Variants in MYOG observed in about 807,000 individuals in gnomAD.
MYOG encodes class C basic helix-loop-helix protein 3.
In MYOG, 6 loss-of-function variants were observed where a neutral mutation model predicts 17.7. That is an observed-to-expected ratio of 0.34 (90% CI 0.19 to 0.67). The LOEUF is 0.67. Ranked by LOEUF, MYOG falls within the 30% of genes least tolerant of loss-of-function variation. The pLI, the probability that MYOG is intolerant of heterozygous loss-of-function variation, is 0.69. For synonymous variants in MYOG, 125 were observed against 130.2 expected (o/e 0.96, Z 0.27); for missense variants, 272 against 302.0 (o/e 0.90, Z 0.74).
intron 2 of MYOG, 81 bp from the exon 3 acceptor site, chr1:203,084,112 G>A: frequency 1.3e-6 from 2 of 1,523,934 alleles, no homozygotes; most frequent in Admixed American, 2.0e-5. Flanking sequence ...GGACCCTTGG[G>A]GTGACAGAGG....
chr1:203,083,157 T>TA lies in MYOG; in HGVS notation c.*752dup, dbSNP rs569560136. The stretch of plus-strand genomic sequence containing the variant: ...TGGCAACCAGTCTTTATTCATTTTT[T>TA]AAAAAAGGAAATCCAAATAAGTTAG... On this transcript the variant is annotated 3_prime_UTR_variant, in exon 3 of 3. Transcript: ENST00000241651. The TA allele has an allele frequency of 8.6e-6, 1 of 115,670 alleles. No homozygotes were observed. Among genetic ancestry groups the TA allele is most frequent in the South Asian group, 2.7e-4 (1 of 3,640 alleles). 7.2% of individuals were successfully genotyped at this position (115,670 alleles called of 1,614,324 possible).
chr1:203,085,794 C>T lies in MYOG; in HGVS notation c.168G>A (p.Gly56=), dbSNP rs1421842861. ...APGPLEDKGL[G]TPEHCPGQCL... ...ACTGGCCTGGACAGTGCTCGGGGGT[C>T]CCCAGCCCCTTGTCCTCAAGGGGCC... Residue 56 remains glycine, a synonymous_variant, in exon 1 of 3, where the codon GGG becomes GGA. Transcript: ENST00000241651. 2 of 1,613,856 alleles carry T rather than the reference C, an allele frequency of 1.2e-6. No individual in the cohort carries two copies. The highest frequency in any genetic ancestry group is 1.3e-5 in the African/African-American group (1 of 75,026).
chr1:203,085,132 G>A (rs1460397766), intron 1 of MYOG, among the ~76,000 whole-genome samples: 1 of 152,212 alleles, frequency 6.6e-6, no homozygotes, highest in African/African-American at 2.4e-5. Flanking sequence ...TGGGGGCAAA[G>A]CAGTCTTCTC....
In MYOG at chr1:203,083,541, G is replaced by A. The variant is rs770975557; in HGVS notation, c.*369C>T. On this transcript the variant is annotated 3_prime_UTR_variant, in exon 3 of 3. Coordinates refer to ENST00000241651, the MANE Select transcript of MYOG (RefSeq NM_002479.6). ...ACGTGCACAGCTTGTCCAGGTCAGG[G>A]CACTGCGTCTCTCAAACCGTTTCAC... 2.0e-6 allele frequency: 1 copy of A among 509,646 alleles called. No homozygotes were observed. The highest frequency in any genetic ancestry group is 3.5e-6 in the Non-Finnish European group (1 of 288,816). 31.6% of individuals were successfully genotyped at this position (509,646 alleles called of 1,614,324 possible).
At chr1:203,084,580 G>A (rs1653574827) in intron 2 of MYOG, 67 bp downstream of exon 2, 3 of 1,369,350 alleles carry the variant, frequency 2.2e-6, no homozygotes, top group Non-Finnish European at 3.1e-6. Context: ...TAAGGTAAGA[G>A]GGGAGAACCT....
At chr1:203,084,172 C>A in intron 2 of MYOG, 141 bp from the exon 3 acceptor site, 1 of 994,614 alleles carries the variant, frequency 1.0e-6, no homozygotes, top group Non-Finnish European at 1.5e-6. Context: ...CTCCCTAGTC[C>A]CTGCCTTTCC....
Position 203,084,743 on chromosome 1 carries a change from G to C in MYOG, c.472-15C>G. On this transcript the variant is annotated splice_polypyrimidine_tract_variant and intron_variant, in intron 1 of 2. Coordinates refer to ENST00000241651, the MANE Select transcript of MYOG (RefSeq NM_002479.6). ...TCGCTGGGCACCTGCAAGACAGGGC[G>C]AAGGCCCAAGGTCGGGGCACAGCCA... The C allele has an allele frequency of 6.3e-7, 1 of 1,598,018 alleles. No homozygotes were observed. Among genetic ancestry groups the C allele is most frequent in the Non-Finnish European group, 8.5e-7 (1 of 1,172,200 alleles).
At position 203,083,837 on chromosome 1, in the gene MYOG, C is replaced by G; in HGVS notation, c.*73G>C. ...ATCAGGGCAGCCTGGCTTAGGAGGC[C>G]CCTGCTACAGAAGTAGTGGCATCTG... On this transcript the variant is annotated 3_prime_UTR_variant, in exon 3 of 3. Coordinates refer to ENST00000241651, the MANE Select transcript of MYOG (RefSeq NM_002479.6). The G allele has an allele frequency of 6.4e-7, 1 of 1,550,762 alleles. No homozygotes were observed. Among genetic ancestry groups the G allele is most frequent in the African/African-American group, 1.4e-5 (1 of 73,830 alleles).
chr1:203,083,471 A>G lies in MYOG; in HGVS notation c.*439T>C. The G allele has an allele frequency of 2.4e-6, 1 of 409,908 alleles. No homozygotes were observed. Among genetic ancestry groups the G allele is most frequent in the East Asian group, 3.4e-5 (1 of 28,992 alleles). 25.4% of individuals were successfully genotyped at this position (409,908 alleles called of 1,614,324 possible). ...CCCTTCTTCTCTCTCAATTCAGGGC[A>G]GGCCCAGCCCAGCCACTGGCATCGG... On this transcript the variant is annotated 3_prime_UTR_variant, in exon 3 of 3. Coordinates refer to ENST00000241651, the MANE Select transcript of MYOG (RefSeq NM_002479.6).
In MYOG at chr1:203,083,854, T is replaced by A; in HGVS notation, c.*56A>T. 1 of 1,563,046 alleles carries A rather than the reference T, an allele frequency of 6.4e-7. No individual in the cohort carries two copies. On this transcript the variant is annotated 3_prime_UTR_variant, in exon 3 of 3. Coordinates refer to ENST00000241651, the MANE Select transcript of MYOG (RefSeq NM_002479.6). ...TAGGAGGCCCCTGCTACAGAAGTAG[T>A]GGCATCTGTGGCCAGCTTGGGGGGC...
chr1:203,083,832 G>A lies in MYOG; in HGVS notation c.*78C>T. 6.5e-7 allele frequency: 1 copy of A among 1,547,120 alleles called. No homozygotes were observed. Among genetic ancestry groups the A allele is most frequent in the South Asian group, 1.2e-5 (1 of 83,148 alleles). The stretch of plus-strand genomic sequence containing the variant: ...CTAGCATCAGGGCAGCCTGGCTTAG[G>A]AGGCCCCTGCTACAGAAGTAGTGGC... On this transcript the variant is annotated 3_prime_UTR_variant, in exon 3 of 3. Transcript: ENST00000241651.
At position 203,083,824 on chromosome 1, in the gene MYOG, T is replaced by G; in HGVS notation, c.*86A>C. Reference sequence around the variant, plus strand: ...CTGGCTTCCTAGCATCAGGGCAGCCTGGCTTAGGAGGCCCCTGCTACAGAA... The same window carrying G: ...CTGGCTTCCTAGCATCAGGGCAGCCGGGCTTAGGAGGCCCCTGCTACAGAA... On this transcript the variant is annotated 3_prime_UTR_variant, in exon 3 of 3. Coordinates refer to ENST00000241651, the MANE Select transcript of MYOG (RefSeq NM_002479.6). 6.5e-7 allele frequency: 1 copy of G among 1,538,810 alleles called. No homozygotes were observed. The highest frequency in any genetic ancestry group is 8.8e-7 in the Non-Finnish European group (1 of 1,138,516).
intron 1 of MYOG, 31 bp from the exon 2 acceptor site, chr1:203,084,759 G>A (rs1653580418): frequency 1.3e-6 from 2 of 1,574,738 alleles, no homozygotes; most frequent in South Asian, 2.3e-5. Flanking sequence ...CCAAGGTCGG[G>A]GCACAGCCAT....
intron 2 of MYOG, 92 bp downstream of exon 2, chr1:203,084,555 G>T: frequency 1.7e-6 from 2 of 1,167,292 alleles, no homozygotes; most frequent in South Asian, 1.4e-5. Context: ...AAGGGAAGAG[G>T]ACCGGAGCAA....
Position 203,083,757 on chromosome 1 carries a change from A to C in MYOG, c.*153T>G, listed in dbSNP as rs548429193. 18 of 1,203,028 alleles carry C rather than the reference A, an allele frequency of 1.5e-5. No homozygotes were observed. The highest frequency in any genetic ancestry group is 2.0e-5 in the Non-Finnish European group (17 of 860,532). The allele number at this position is 1,203,028 out of a possible 1,614,324, so 74.5% of individuals were successfully genotyped here. ...TTGCTGGGGGGTGGGTTAACCTTAC[A>C]TGGATGAGGAAGGGGATAGTCTGGC... On this transcript the variant is annotated 3_prime_UTR_variant, in exon 3 of 3. Transcript: ENST00000241651.
In MYOG at chr1:203,084,627, A is replaced by G. The variant is rs1243380036; in HGVS notation, c.553+20T>C. 1.3e-6 allele frequency: 2 copies of G among 1,599,672 alleles called. No homozygotes were observed. The highest frequency in any genetic ancestry group is 1.7e-6 in the Non-Finnish European group (2 of 1,170,982). On this transcript the variant is annotated intron_variant, in intron 2 of 2. Transcript: ENST00000241651. ...GGACTGAGGGATTGGAGCCAAGGTT[A>G]CCAGTCAGGCCTTACTTACCCCCTG...
rs72739504 is a variant in MYOG at position 203,084,742 on chromosome 1, C to T, written c.472-14G>A. ...TTCGCTGGGCACCTGCAAGACAGGG[C>T]GAAGGCCCAAGGTCGGGGCACAGCC... On this transcript the variant is annotated splice_polypyrimidine_tract_variant and intron_variant, in intron 1 of 2. Transcript: ENST00000241651. 8.1e-4 allele frequency: 1,289 copies of T among 1,599,758 alleles called. 8 individuals carry two copies. Among genetic ancestry groups the T allele is most frequent in the South Asian group, 4.7e-3 (417 of 88,662 alleles).
intron 1 of MYOG, 83 bp downstream of exon 1, chr1:203,085,408 G>C (rs181787051): frequency 7.7e-7 from 1 of 1,292,918 alleles, no homozygotes; most frequent in African/African-American, 1.5e-5. Flanking sequence ...AACCCTCTGA[G>C]CCCCTCTTGG....
chr1:203,084,559 G>A (rs989961953), intron 2 of MYOG, 88 bp downstream of exon 2: 19 of 1,207,066 alleles, frequency 1.6e-5, no homozygotes, highest in African/African-American at 7.5e-5. Context: ...GAAGAGGACC[G>A]GAGCAAGGAA....
Sources: allele counts gnomAD v4.1 joint callset (sites outside exome capture counted in the v4.1 genomes callset), GRCh38; gene constraint gnomAD v4.1.1; transcripts MANE v1.5; gene names NCBI Gene and HGNC (gene_info 2026-07-23, HGNC 2026-07-21).